Variants in NPR3 observed in about 807,000 individuals in gnomAD.
NPR3 encodes atrial natriuretic peptide receptor 3.
In NPR3, 34 loss-of-function variants were observed where a neutral mutation model predicts 54.5. That is an observed-to-expected ratio of 0.62 (90% CI 0.47 to 0.83). NPR3 has a LOEUF of 0.83. NPR3 is among the 40% of genes least tolerant of loss of function. The pLI is 0.00. For missense variants in NPR3, 674 were observed against 720.8 expected (o/e 0.94, Z 0.74); for synonymous variants, 289 against 297.1 (o/e 0.97, Z 0.28).
intron 3 of NPR3, among the ~76,000 whole-genome samples, chr5:32,770,314 C>T (rs1221948657): frequency 2.0e-5 from 3 of 151,938 alleles, no homozygotes; most frequent in African/African-American, 7.3e-5. Flanking sequence ...CCTGTAATCC[C>T]AGCTACTTGT....
intron 2 of NPR3, among the ~76,000 whole-genome samples, chr5:32,730,818 A>T (rs1739408980): frequency 6.6e-6 from 1 of 152,180 alleles, no homozygotes; most frequent in Non-Finnish European, 1.5e-5. Flanking sequence ...TGAAAGAAAT[A>T]AAAAAATCTG....
chr5:32,701,802 A>T (rs1485273189), intron 1 of NPR3, among the ~76,000 whole-genome samples: 1 of 152,210 alleles, frequency 6.6e-6, no homozygotes, highest in Non-Finnish European at 1.5e-5. Flanking sequence ...GTGGTCTTGG[A>T]TGAGACACGA....
At chr5:32,706,860 AC>A (rs2111825937), upstream of NPR3, among the ~76,000 whole-genome samples, 1 of 152,336 alleles carries the variant, frequency 6.6e-6, no homozygotes, top group East Asian at 1.9e-4. Flanking sequence ...GGGATAAACT[AC>A]ATGGTTGGGA....
intron 3 of NPR3, among the ~76,000 whole-genome samples, chr5:32,771,420 C>T (rs937685997): frequency 9.2e-5 from 14 of 152,176 alleles, no homozygotes; most frequent in African/African-American, 3.4e-4. Context: ...CCGTCTATTT[C>T]CTTCTACCAT....
intron 4 of NPR3, among the ~76,000 whole-genome samples, chr5:32,776,981 G>A (rs1367501037): frequency 6.6e-6 from 1 of 152,150 alleles, no homozygotes; most frequent in East Asian, 1.9e-4. Context: ...TCACTCCAGA[G>A]GGAATGGCAA....
chr5:32,716,035 GA>G (rs1248863408), intron 1 of NPR3, among the ~76,000 whole-genome samples: 2 of 152,158 alleles, frequency 1.3e-5, no homozygotes, highest in East Asian at 1.9e-4. Flanking sequence ...CACAGCAGGG[GA>G]AAAAAGGAGC....
intron 2 of NPR3, among the ~76,000 whole-genome samples, chr5:32,735,799 G>A (rs1425424817): frequency 6.6e-6 from 1 of 152,204 alleles, no homozygotes; most frequent in Non-Finnish European, 1.5e-5. Flanking sequence ...CCTGATATGG[G>A]AAATGTTACT....
At chr5:32,721,502 G>C (rs1346830809) in intron 1 of NPR3, among the ~76,000 whole-genome samples, 1 of 152,166 alleles carries the variant, frequency 6.6e-6, no homozygotes, top group Admixed American at 6.5e-5. Context: ...AATTAGCCGG[G>C]TGTGGTAACA....
chr5:32,750,223 G>C (rs1740506811), intron 3 of NPR3, among the ~76,000 whole-genome samples: 1 of 152,200 alleles, frequency 6.6e-6, no homozygotes, highest in Non-Finnish European at 1.5e-5. Flanking sequence ...CCGCTTCCCA[G>C]GGTCAAGCAA....
chr5:32,789,415 T>C lies in NPR3; in HGVS notation c.*3070T>C, dbSNP rs61742517. 2.5e-3 allele frequency: 1,294 copies of C among 524,968 alleles called. 10 individuals carry two copies. Among genetic ancestry groups the C allele is most frequent in the African/African-American group, 0.023 (1,194 of 51,418 alleles). 32.5% of individuals were successfully genotyped at this position (524,968 alleles called of 1,614,324 possible). A position where few individuals can be genotyped will look rare whatever the true frequency, so the allele number is the denominator to read the frequency against. On this transcript the variant is annotated 3_prime_UTR_variant, in exon 8 of 8. Transcript: ENST00000265074. ...ACCACAGGTTTCATGAGAAGGTCCCTGAAAACATCACATTTCTCTGAAGAA... is the reference window on the plus strand; with the variant it reads ...ACCACAGGTTTCATGAGAAGGTCCCCGAAAACATCACATTTCTCTGAAGAA...
chr5:32,734,150 A>G (rs1244364294), intron 2 of NPR3, among the ~76,000 whole-genome samples: 1 of 152,166 alleles, frequency 6.6e-6, no homozygotes, highest in Non-Finnish European at 1.5e-5. Flanking sequence ...GTGTAATTGG[A>G]CCAGCCTAGC....
intron 2 of NPR3, among the ~76,000 whole-genome samples, chr5:32,729,254 C>A (rs1322674490): frequency 6.6e-6 from 1 of 151,938 alleles, no homozygotes; most frequent in African/African-American, 2.4e-5. Context: ...TGGTCTCGAT[C>A]TCCTGACCTC....
At chr5:32,749,846 G>T (rs970280723) in intron 3 of NPR3, among the ~76,000 whole-genome samples, 3 of 152,212 alleles carry the variant, frequency 2.0e-5, no homozygotes, top group South Asian at 2.1e-4. Flanking sequence ...TGGATGGGAC[G>T]GGCACTTTCT....
In NPR3 at chr5:32,724,697, G is replaced by A. The variant is rs377329316; in HGVS notation, c.770-1G>A. On this transcript the variant is annotated splice_acceptor_variant, in intron 1 of 7. Transcript: ENST00000265074. LOFTEE classifies it high-confidence loss of function. ...ATGTGTGTTGTTTGTTCCTCCCCTA[G>A]TGGTGATCATGTGTGCGAGCAGTGA... 1.1e-5 allele frequency: 17 copies of A among 1,613,820 alleles called. No homozygotes were observed. The highest frequency in any genetic ancestry group is 1.4e-5 in the Non-Finnish European group (17 of 1,179,876).
At chr5:32,737,797 C>T (rs1739827035) in intron 2 of NPR3, among the ~76,000 whole-genome samples, 1 of 152,076 alleles carries the variant, frequency 6.6e-6, no homozygotes. Flanking sequence ...CACTGGGATA[C>T]CTAGCTTCTC....
At chr5:32,711,268 A>G, upstream of NPR3, 3 of 960,056 alleles carry the variant, frequency 3.1e-6, no homozygotes, top group Non-Finnish European at 3.6e-6. Context: ...ATGTGTGGTA[A>G]CACGCTCAGC....
chr5:32,754,276 G>A (rs573248640), intron 3 of NPR3, among the ~76,000 whole-genome samples: 2 of 152,130 alleles, frequency 1.3e-5, no homozygotes, highest in South Asian at 2.1e-4. Flanking sequence ...GTGTGCCAGA[G>A]ACTTTAATTT....
rs1262828316 is a variant in NPR3 at position 32,712,485 on chromosome 5, G to A, written c.709G>A (p.Asp237Asn). ...TTTGCACACGTCCATCTACAGTTTC[G>A]ACGAGACCAAAGACTTGGATCTGGA... ...EGLHTSIYSF[D>N]ETKDLDLEDI... Residue 237 changes from aspartate to asparagine, a missense_variant, in exon 1 of 8, where the codon GAC (aspartate) becomes AAC (asparagine). Coordinates refer to ENST00000265074, the MANE Select transcript of NPR3 (RefSeq NM_001204375.2). 1 of 1,576,254 alleles carries A rather than the reference G, an allele frequency of 6.3e-7. No individual in the cohort carries two copies. Among genetic ancestry groups the A allele is most frequent in the African/African-American group, 1.3e-5 (1 of 74,422 alleles).
chr5:32,738,823 T>G (rs1175849043), intron 2 of NPR3, 41 bp from the exon 3 acceptor site: 1 of 1,585,444 alleles, frequency 6.3e-7, no homozygotes, highest in Non-Finnish European at 8.6e-7. Flanking sequence ...CTCTTTATGG[T>G]GGCTGGCTTG....
Sources: allele counts gnomAD v4.1 joint callset (sites outside exome capture counted in the v4.1 genomes callset), GRCh38; gene constraint gnomAD v4.1.1; transcripts MANE v1.5; gene names NCBI Gene and HGNC (gene_info 2026-07-23, HGNC 2026-07-21).